The following MTF2 variants were observed in gnomAD, a reference collection of about 807,000 sequenced individuals.
MTF2 encodes metal-response element-binding transcription factor 2.
A neutral mutation model predicts 79.5 loss-of-function variants in MTF2; 11 were observed. The ratio of observed to expected loss-of-function variants is 0.14; its 90% CI spans 0.09 to 0.23. MTF2 has a LOEUF of 0.23. Ranked by LOEUF, MTF2 falls within the 10% of genes least tolerant of loss-of-function variation. The probability of loss-of-function intolerance (pLI) is 1.00; values close to 1 mark genes in which losing one functional copy is unlikely to be tolerated. For missense variants in MTF2, 486 were observed against 711.2 expected (o/e 0.68, Z 3.60); for synonymous variants, 208 against 232.8 (o/e 0.89, Z 0.97).
At chr1:93,108,606 ATTT>A (rs35393630) in intron 1 of MTF2, among the ~76,000 whole-genome samples, 18 of 103,446 alleles carry the variant, frequency 1.7e-4, no homozygotes, top group East Asian at 2.9e-4. Context: ...TGCTTTCAAG[ATTT>A]TTTTTTTTTT....
intron 11 of MTF2, among the ~76,000 whole-genome samples, chr1:93,132,937 T>C (rs1446996069): frequency 6.6e-6 from 1 of 152,156 alleles, no homozygotes; most frequent in African/African-American, 2.4e-5. Context: ...CATCTTTATA[T>C]GGTAGCTATT....
intron 1 of MTF2, among the ~76,000 whole-genome samples, chr1:93,099,706 G>A (rs1655448159): frequency 6.6e-6 from 1 of 152,126 alleles, no homozygotes; most frequent in Admixed American, 6.6e-5. Context: ...AGTGATAAGG[G>A]GAACTTCCAA....
chr1:93,101,568 GTTTTTTTTTTT>G (rs71586778), intron 1 of MTF2, among the ~76,000 whole-genome samples: 60 of 25,406 alleles, frequency 2.4e-3, no homozygotes, highest in South Asian at 0.011. Flanking sequence ...GCTCAGGCTG[GTTTTTTTTTTT>G]TTTTTTTTTT....
intron 7 of MTF2, 148 bp from the exon 8 acceptor site, chr1:93,119,185 G>A: frequency 1.7e-6 from 1 of 603,526 alleles, no homozygotes; most frequent in Admixed American, 3.5e-5. Context: ...TTCAATCACA[G>A]AAAGCATTAT....
chr1:93,115,400 T>TGTTTTTA, intron 5 of MTF2, 70 bp from the exon 6 acceptor site: 1 of 1,266,338 alleles, frequency 7.9e-7, no homozygotes, highest in Non-Finnish European at 1.1e-6. Context: ...GTCAGAGTCG[T>TGTTTTTA]TTTTAAAGTA....
chr1:93,136,506 A>G (rs192892307), intron 14 of MTF2, among the ~76,000 whole-genome samples, 164 bp from the exon 15 acceptor site: 64 of 152,316 alleles, frequency 4.2e-4, no homozygotes, highest in Non-Finnish European at 6.5e-4. Flanking sequence ...TAATGAGCCC[A>G]AGTGATAGTC....
intron 1 of MTF2, among the ~76,000 whole-genome samples, chr1:93,090,092 T>G (rs1655014102): frequency 6.6e-6 from 1 of 152,090 alleles, no homozygotes; most frequent in Non-Finnish European, 1.5e-5. Context: ...TTCTCCTGCC[T>G]CAGCCTCCTG....
At position 93,137,259 on chromosome 1, in the gene MTF2, T is replaced by A; in HGVS notation, c.*232T>A. 2.6e-6 allele frequency: 1 copy of A among 385,096 alleles called. No homozygotes were observed. The highest frequency in any genetic ancestry group is 4.7e-6 in the Non-Finnish European group (1 of 214,280). 23.9% of individuals were successfully genotyped at this position (385,096 alleles called of 1,614,324 possible). A position where few individuals can be genotyped will look rare whatever the true frequency, so the allele number is the denominator to read the frequency against. ...GACTTAATTTTTTAAATCTTAAGAT[T>A]TGTAGAATGTTTCTAGGATAGGATA... On this transcript the variant is annotated 3_prime_UTR_variant, in exon 15 of 15. Coordinates refer to ENST00000370298, the MANE Select transcript of MTF2 (RefSeq NM_007358.4).
At chr1:93,116,838 T>G (rs1344050539) in intron 6 of MTF2, among the ~76,000 whole-genome samples, 1 of 152,086 alleles carries the variant, frequency 6.6e-6, no homozygotes, top group Non-Finnish European at 1.5e-5. Context: ...ATTTCAATAT[T>G]GTGTCTCAGG....
At chr1:93,105,512 A>G (rs1016968630) in intron 1 of MTF2, among the ~76,000 whole-genome samples, 1 of 152,198 alleles carries the variant, frequency 6.6e-6, no homozygotes, top group Non-Finnish European at 1.5e-5. Context: ...TAGTTTCCTC[A>G]TGTAAAAAGG....
rs1055121014 is a variant in MTF2, at chr1:93,138,329, T to G, written c.*1302T>G. ...AGAGTGAACAGAAGATTTTCTTATT[T>G]TGGTGGCTATTCATTTTACTTTTAA... On this transcript the variant is annotated 3_prime_UTR_variant, in exon 15 of 15. Transcript: ENST00000370298. 2.0e-5 allele frequency: 3 copies of G among 152,212 alleles called. No homozygotes were observed. The highest frequency in any genetic ancestry group is 4.4e-5 in the Non-Finnish European group (3 of 68,006). 9.4% of individuals were successfully genotyped at this position (152,212 alleles called of 1,614,324 possible).
At chr1:93,101,441 G>A (rs962125087) in intron 1 of MTF2, among the ~76,000 whole-genome samples, 7 of 142,786 alleles carry the variant, frequency 4.9e-5, no homozygotes, top group African/African-American at 1.8e-4. Context: ...GTGCAGTGGT[G>A]TGATTCCAGC....
At chr1:93,118,635 AAGTATTG>A (rs1240524260) in intron 7 of MTF2, among the ~76,000 whole-genome samples, 195 bp downstream of exon 7, 1 of 152,142 alleles carries the variant, frequency 6.6e-6, no homozygotes, top group African/African-American at 2.4e-5. Flanking sequence ...GAATGCTTTT[AAGTATTG>A]TCAGTGATTA....
intron 3 of MTF2, among the ~76,000 whole-genome samples, chr1:93,112,954 C>A (rs1171339540): frequency 1.3e-5 from 2 of 152,216 alleles, no homozygotes; most frequent in Non-Finnish European, 2.9e-5. Flanking sequence ...GGCACCTCCC[C>A]TCGCGGGGCT....
intron 1 of MTF2, among the ~76,000 whole-genome samples, chr1:93,105,260 C>G (rs551915320): frequency 6.6e-6 from 1 of 151,516 alleles, no homozygotes; most frequent in African/African-American, 2.4e-5. Context: ...AGACATTAAG[C>G]GTGTATAACT....
chr1:93,090,496 C>T (rs796585659), intron 1 of MTF2, among the ~76,000 whole-genome samples: 44 of 152,286 alleles, frequency 2.9e-4, no homozygotes, highest in African/African-American at 9.6e-4. Context: ...GATCTGCCTG[C>T]CTTGGCCTCC....
chr1:93,083,423 A>C (rs918086208), intron 1 of MTF2, among the ~76,000 whole-genome samples: 2 of 152,206 alleles, frequency 1.3e-5, no homozygotes, highest in African/African-American at 4.8e-5. Flanking sequence ...GTCAAATAAT[A>C]TTTCATTATA....
At chr1:93,105,851 T>G (rs1026243923) in intron 1 of MTF2, among the ~76,000 whole-genome samples, 4 of 152,152 alleles carry the variant, frequency 2.6e-5, no homozygotes, top group African/African-American at 9.7e-5. Flanking sequence ...AATTTTTGTA[T>G]TTTAAGTAGA....
At chr1:93,116,521 T>TTTTTTG (rs1656256025) in intron 6 of MTF2, among the ~76,000 whole-genome samples, 1 of 150,502 alleles carries the variant, frequency 6.6e-6, no homozygotes. Flanking sequence ...TTTTTTTTTT[T>TTTTTTG]GAGACAGGTT....
Sources: gnomAD v4.1 joint callset for allele counts (sites outside exome capture counted in the v4.1 genomes callset) on GRCh38, gnomAD v4.1.1 for gene constraint, MANE v1.5 for transcripts, NCBI Gene and HGNC (gene_info 2026-07-23, HGNC 2026-07-21) for gene names.